Variants in CEP112 observed in about 807,000 individuals in gnomAD.
CEP112 encodes centrosomal protein of 112 kDa.
A neutral mutation model predicts 153.0 loss-of-function variants in CEP112; 127 were observed. The ratio of observed to expected loss-of-function variants is 0.83; its 90% CI spans 0.72 to 0.96. The LOEUF is 0.96. CEP112 is among the 40% of genes least tolerant of loss of function. The probability of loss-of-function intolerance (pLI) is 0.00; values close to 1 mark genes in which losing one functional copy is unlikely to be tolerated. For synonymous variants in CEP112, 358 were observed against 374.4 expected (o/e 0.96, Z 0.51); for missense variants, 1,089 against 1,101.2 (o/e 0.99, Z 0.16).
chr17:65,786,436 G>A (rs2054276461), intron 21 of CEP112, among the ~76,000 whole-genome samples: 1 of 151,812 alleles, frequency 6.6e-6, no homozygotes, highest in Non-Finnish European at 1.5e-5. Context: ...ATTTCTGTCA[G>A]TCTATTAGAT....
intron 18 of CEP112, among the ~76,000 whole-genome samples, chr17:65,934,376 T>A (rs1035353339): frequency 3.9e-5 from 6 of 152,158 alleles, no homozygotes; most frequent in Admixed American, 6.5e-5. Context: ...AGTAAAAACC[T>A]ATAGTAGTTG....
At chr17:66,105,604 G>A (rs146640806) in intron 6 of CEP112, among the ~76,000 whole-genome samples, 44 of 152,158 alleles carry the variant, frequency 2.9e-4, no homozygotes, top group African/African-American at 1.1e-3. Flanking sequence ...GACCAGCTTG[G>A]GTAACATTGT....
At chr17:66,055,540 G>A (rs1426510100) in intron 11 of CEP112, among the ~76,000 whole-genome samples, 1 of 152,120 alleles carries the variant, frequency 6.6e-6, no homozygotes, top group Non-Finnish European at 1.5e-5. Context: ...GAGTCACTTA[G>A]AATTTTACAG....
intron 12 of CEP112, among the ~76,000 whole-genome samples, chr17:66,038,483 A>G (rs903671883): frequency 6.6e-6 from 1 of 152,266 alleles, no homozygotes; most frequent in African/African-American, 2.4e-5. Context: ...CTTAAAAACA[A>G]CAACATTTGC....
At chr17:65,748,791 T>G (rs2051627147) in intron 22 of CEP112, among the ~76,000 whole-genome samples, 1 of 152,206 alleles carries the variant, frequency 6.6e-6, no homozygotes, top group Non-Finnish European at 1.5e-5. Context: ...CAGGCTTTCT[T>G]CTGCATTAAC....
At chr17:66,082,750 G>C (rs111768943) in intron 8 of CEP112, among the ~76,000 whole-genome samples, 7 of 149,574 alleles carry the variant, frequency 4.7e-5, no homozygotes, top group Non-Finnish European at 4.4e-5. Flanking sequence ...GCGACAGAGC[G>C]AGACTCTGTC....
At chr17:65,692,124 A>C (rs1292163191) in intron 23 of CEP112, among the ~76,000 whole-genome samples, 1 of 152,020 alleles carries the variant, frequency 6.6e-6, no homozygotes, top group South Asian at 2.1e-4. Flanking sequence ...TTGTGCACCC[A>C]GTATTATTCC....
chr17:65,873,365 C>T (rs1252592475), intron 20 of CEP112: 1 of 152,192 alleles, frequency 6.6e-6, no homozygotes, highest in Non-Finnish European at 1.5e-5. Flanking sequence ...TCTTTTATCT[C>T]TTGCTTTAAC....
chr17:65,660,132 AAACT>A (rs1458801921), intron 24 of CEP112, among the ~76,000 whole-genome samples: 4 of 151,230 alleles, frequency 2.6e-5, no homozygotes, highest in Non-Finnish European at 5.9e-5. Context: ...GACAATGGAA[AAACT>A]AACTCAAGGT....
chr17:65,956,395 T>TATAC (rs1168433389), intron 18 of CEP112, among the ~76,000 whole-genome samples: 8 of 149,626 alleles, frequency 5.3e-5, no homozygotes, highest in South Asian at 2.2e-4. Context: ...TTATGATATA[T>TATAC]ATACATACAT....
At chr17:66,055,522 C>G (rs2066644489) in intron 11 of CEP112, among the ~76,000 whole-genome samples, 1 of 152,126 alleles carries the variant, frequency 6.6e-6, no homozygotes, top group South Asian at 2.1e-4. Context: ...AGATAATGGG[C>G]TCTAAAGGAG....
At chr17:65,752,540 C>G (rs2051944586) in intron 21 of CEP112, among the ~76,000 whole-genome samples, 1 of 152,200 alleles carries the variant, frequency 6.6e-6, no homozygotes, top group African/African-American at 2.4e-5. Flanking sequence ...ACCTGAGGCC[C>G]TTTCTCATTC....
intron 6 of CEP112, among the ~76,000 whole-genome samples, chr17:66,123,848 T>C (rs985533393): frequency 6.6e-6 from 1 of 152,204 alleles, no homozygotes; most frequent in African/African-American, 2.4e-5. Flanking sequence ...CCCAAATAAT[T>C]TGTTACCAAT....
intron 19 of CEP112, among the ~76,000 whole-genome samples, chr17:65,920,366 T>C (rs1393601102): frequency 7.5e-5 from 3 of 40,078 alleles, no homozygotes; most frequent in African/African-American, 2.8e-4. Context: ...AAACAAAATA[T>C]ATATATATAT....
At chr17:66,133,932 GT>G (rs932077852) in intron 4 of CEP112, among the ~76,000 whole-genome samples, 8 of 151,974 alleles carry the variant, frequency 5.3e-5, no homozygotes, top group Admixed American at 1.3e-4. Flanking sequence ...AAAGAGAGCT[GT>G]TTTTTTTAAT....
chr17:65,756,421 A>AG (rs2052281050), intron 21 of CEP112, among the ~76,000 whole-genome samples: 1 of 151,088 alleles, frequency 6.6e-6, no homozygotes, highest in Non-Finnish European at 1.5e-5. Context: ...AAAAAAAAAA[A>AG]AAAAAAAAAA....
At chr17:65,793,996 T>A (rs1254557584) in intron 21 of CEP112, among the ~76,000 whole-genome samples, 6 of 152,240 alleles carry the variant, frequency 3.9e-5, no homozygotes, top group Non-Finnish European at 7.3e-5. Context: ...TTTTCTTGAA[T>A]AATTCAGATA....
chr17:65,680,415 G>A (rs972458021), intron 24 of CEP112, among the ~76,000 whole-genome samples: 3 of 152,102 alleles, frequency 2.0e-5, no homozygotes, highest in East Asian at 1.9e-4. Flanking sequence ...GGAACTCTTC[G>A]TCCTCAAAGT....
intron 4 of CEP112, among the ~76,000 whole-genome samples, chr17:66,137,271 A>C (rs2070476972): frequency 6.6e-6 from 1 of 152,146 alleles, no homozygotes; most frequent in Admixed American, 6.5e-5. Flanking sequence ...CAAAGACAGG[A>C]CATTTGAAAT....
Sources: gnomAD v4.1 joint callset for allele counts (sites outside exome capture counted in the v4.1 genomes callset) on GRCh38, gnomAD v4.1.1 for gene constraint, MANE v1.5 for transcripts, NCBI Gene and HGNC (gene_info 2026-07-23, HGNC 2026-07-21) for gene names.